WDR7: variants seen among roughly 807,000 people sequenced by gnomAD.
WDR7 encodes WD repeat-containing protein 7.
Under a neutral mutation model 169.4 loss-of-function variants are expected in WDR7, and 46 were observed. That is an observed-to-expected ratio of 0.27 (90% CI 0.21 to 0.35). WDR7 has a LOEUF of 0.35. Among genes scored for constraint, WDR7 ranks in the 10% least tolerant of loss-of-function variants. WDR7 has a pLI of 1.00. For synonymous variants in WDR7, 612 were observed against 666.8 expected, an observed-to-expected ratio of 0.92 and a Z score of 1.27; for missense variants, 1,534 against 1,859.3, an observed-to-expected ratio of 0.83 and a Z score of 3.22.
intron 20 of WDR7, among the ~76,000 whole-genome samples, chr18:56,857,313 G>A (rs998612771): frequency 2.6e-5 from 4 of 152,078 alleles, no homozygotes; most frequent in African/African-American, 9.7e-5. Flanking sequence ...AGGCTGGAGT[G>A]CAGTGGTGTG....
chr18:56,886,315 C>T (rs2046193291), intron 21 of WDR7, among the ~76,000 whole-genome samples: 1 of 152,236 alleles, frequency 6.6e-6, no homozygotes, highest in Non-Finnish European at 1.5e-5. Flanking sequence ...GGGATTGAGG[C>T]CCTACCTTTA....
chr18:57,004,608 C>T (rs928699088), intron 26 of WDR7, among the ~76,000 whole-genome samples: 9 of 151,990 alleles, frequency 5.9e-5, no homozygotes, highest in Non-Finnish European at 1.5e-5. Context: ...ACCTACTAAA[C>T]GTAAAAATGT....
At chr18:56,938,712 C>G in intron 24 of WDR7, 30 bp downstream of exon 24, 1 of 1,609,974 alleles carries the variant, frequency 6.2e-7, no homozygotes, top group East Asian at 2.2e-5. Flanking sequence ...AATGATCCAT[C>G]AGCAACCTAA....
At chr18:56,858,728 G>A (rs2045758653) in intron 20 of WDR7, among the ~76,000 whole-genome samples, 1 of 152,062 alleles carries the variant, frequency 6.6e-6, no homozygotes, top group Admixed American at 6.5e-5. Flanking sequence ...CTGCTTCTAG[G>A]CTTGATTCAT....
At chr18:56,702,443 C>A (rs1352869893) in intron 12 of WDR7, among the ~76,000 whole-genome samples, 1 of 152,118 alleles carries the variant, frequency 6.6e-6, no homozygotes, top group Non-Finnish European at 1.5e-5. Context: ...TTTTCCTTAA[C>A]AAACCAGATA....
At chr18:56,884,069 G>GT (rs969336967) in intron 21 of WDR7, among the ~76,000 whole-genome samples, 2 of 152,158 alleles carry the variant, frequency 1.3e-5, no homozygotes, top group Non-Finnish European at 2.9e-5. Flanking sequence ...TCTACTCTTA[G>GT]TTTTTTAAGG....
chr18:57,026,672 T>C (rs777564687), intron 27 of WDR7, among the ~76,000 whole-genome samples: 4 of 152,184 alleles, frequency 2.6e-5, no homozygotes, highest in Non-Finnish European at 4.4e-5. Flanking sequence ...AGTCTTCAGT[T>C]TTAAATATCC....
intron 21 of WDR7, among the ~76,000 whole-genome samples, chr18:56,903,860 A>T (rs1452231563): frequency 6.6e-6 from 1 of 152,172 alleles, no homozygotes; most frequent in African/African-American, 2.4e-5. Flanking sequence ...AAGTTATTTT[A>T]AAAATTTGGT....
chr18:56,836,477 G>A (rs764791525), intron 20 of WDR7, among the ~76,000 whole-genome samples: 4 of 152,130 alleles, frequency 2.6e-5, no homozygotes, highest in Non-Finnish European at 4.4e-5. Flanking sequence ...GATCAAAGAC[G>A]TTTTTAATTT....
intron 26 of WDR7, among the ~76,000 whole-genome samples, chr18:57,015,611 A>G (rs1255051906): frequency 6.6e-6 from 1 of 152,144 alleles, no homozygotes; most frequent in Non-Finnish European, 1.5e-5. Context: ...CATGAAATCT[A>G]CGGGCTCCTG....
intron 13 of WDR7, among the ~76,000 whole-genome samples, chr18:56,726,260 G>A (rs1317073248): frequency 3.9e-5 from 6 of 152,132 alleles, no homozygotes; most frequent in African/African-American, 7.2e-5. Flanking sequence ...CCATTTTCAC[G>A]ACATTGATTC....
chr18:56,991,600 A>G (rs1212879340), intron 26 of WDR7, among the ~76,000 whole-genome samples: 1 of 152,230 alleles, frequency 6.6e-6, no homozygotes, highest in African/African-American at 2.4e-5. Flanking sequence ...AAACAGGTTT[A>G]TGGACAACAC....
chr18:56,879,758 T>C (rs1197062950), intron 20 of WDR7, among the ~76,000 whole-genome samples, 186 bp from the exon 21 acceptor site: 1 of 152,176 alleles, frequency 6.6e-6, no homozygotes, highest in Non-Finnish European at 1.5e-5. Flanking sequence ...TCAGGTTTTT[T>C]TTTGGAAGGT....
downstream of WDR7, chr18:57,030,163 C>T (rs2048430207): frequency 6.6e-6 from 1 of 152,168 alleles, no homozygotes; most frequent in South Asian, 2.1e-4. Context: ...ATTTCACGCT[C>T]AGTTTGGAGT....
chr18:57,004,510 T>C (rs2048028079), intron 26 of WDR7, among the ~76,000 whole-genome samples: 1 of 152,160 alleles, frequency 6.6e-6, no homozygotes, highest in African/African-American at 2.4e-5. Context: ...ATTGTTCCTG[T>C]TTAAAGGTGT....
At position 56,761,090 on chromosome 18, in the gene WDR7, G is replaced by A. The variant is rs576982953; in HGVS notation, c.2848+2137G>A. Among the ~76,000 whole-genome samples the A allele has an allele frequency of 3.2e-4, 49 of 152,250 alleles. No homozygotes were observed. In the South Asian group the frequency reaches 7.0e-3, roughly 22 times the overall value. On this transcript the variant is annotated intron_variant, in intron 16 of 27. Transcript: ENST00000254442. ...AGTGGCACAATCACAGCTCACTGCA[G>A]CCTCCACCTGCCAGGCTCAAGCAAT...
At chr18:56,781,702 G>A in intron 19 of WDR7, 46 bp downstream of exon 19, 1 of 1,482,522 alleles carries the variant, frequency 6.7e-7, no homozygotes, top group South Asian at 1.4e-5. Context: ...GGAATATGTA[G>A]AAAAGGTACC....
intron 19 of WDR7, among the ~76,000 whole-genome samples, chr18:56,794,325 T>TTTTTTTTTTTTTTTTTTTTA (rs2044546542): frequency 7.6e-6 from 1 of 132,312 alleles, no homozygotes; most frequent in Non-Finnish European, 1.6e-5. Flanking sequence ...TTTTTTTTTT[T>TTTTTTTTTTTTTTTTTTTTA]TTGAGACAGA....
chr18:56,692,518 C>T lies in WDR7; in HGVS notation c.966+701C>T, dbSNP rs369952700. On this transcript the variant is annotated intron_variant, in intron 9 of 27. Transcript: ENST00000254442. The stretch of plus-strand genomic sequence containing the variant: ...ACATTACGTCTCACGTTTATGTGGC[C>T]GGGTGGCTAGGGGAAGGGAATTGTT... Among the ~76,000 whole-genome samples the T allele has an allele frequency of 1.9e-3, 289 of 148,734 alleles. 1 individual carries two copies. Among genetic ancestry groups the T allele is most frequent in the Middle Eastern group, 7.1e-3 (2 of 282 alleles).
Sources: allele counts gnomAD v4.1 joint callset (sites outside exome capture counted in the v4.1 genomes callset), GRCh38; gene constraint gnomAD v4.1.1; transcripts MANE v1.5; gene names NCBI Gene and HGNC (gene_info 2026-07-23, HGNC 2026-07-21).